The following NCOA1 variants were observed in gnomAD, a reference collection of about 807,000 sequenced individuals.
NCOA1 encodes the protein Hin-2 protein.
NCOA1 carries 35 observed loss-of-function variants against 150.9 expected under a neutral mutation model. The observed-to-expected ratio is 0.23, with a 90% CI of 0.18 to 0.31. The LOEUF is 0.31. Among genes scored for constraint, NCOA1 ranks in the 10% least tolerant of loss-of-function variants. The pLI is 1.00. For missense variants in NCOA1, 1,491 were observed against 1,749.3 expected, an observed-to-expected ratio of 0.85 and a Z score of 2.63; for synonymous variants, 590 against 630.0, an observed-to-expected ratio of 0.94 and a Z score of 0.95.
At chr2:24,553,078 T>G (rs1024302798) in intron 1 of NCOA1, among the ~76,000 whole-genome samples, 5 of 152,248 alleles carry the variant, frequency 3.3e-5, no homozygotes, top group Admixed American at 3.3e-4. Context: ...TTCGTCATCT[T>G]AGGAGACAAC....
chr2:24,716,164 A>T (rs898191151), intron 14 of NCOA1, among the ~76,000 whole-genome samples: 1 of 143,850 alleles, frequency 7.0e-6, no homozygotes, highest in African/African-American at 2.5e-5. Context: ...AAAAAAAAAA[A>T]TCTGAGCAGG....
intron 3 of NCOA1, among the ~76,000 whole-genome samples, chr2:24,618,414 T>C (rs575090715): frequency 5.4e-4 from 82 of 152,282 alleles, no homozygotes; most frequent in African/African-American, 1.9e-3. Context: ...TCAAAAACCA[T>C]CAAGAACAGA....
At chr2:24,671,913 A>G (rs1458302115) in intron 6 of NCOA1, among the ~76,000 whole-genome samples, 2 of 152,100 alleles carry the variant, frequency 1.3e-5, no homozygotes, top group African/African-American at 2.4e-5. Context: ...ACTTACTACA[A>G]TGTAAAGGCT....
Position 24,757,985 on chromosome 2 carries a change from A to G in NCOA1, c.3894A>G (p.Gln1298=). 6.2e-7 allele frequency: 1 copy of G among 1,613,728 alleles called. No individual in the cohort carries two copies. Among genetic ancestry groups the G allele is most frequent in the Non-Finnish European group, 8.5e-7 (1 of 1,179,824 alleles). Residue 1298 remains glutamine (Q), a synonymous_variant, in exon 21 of 23, where the codon CAA becomes CAG. Coordinates refer to ENST00000348332, the MANE Select transcript of NCOA1 (RefSeq NM_003743.5). ...TTTGAGTTTACAGTGTGTTCAGTCA[A>G]GCTGTCCAGAACCAGCCCACGCCTG... The part of the protein sequence containing the change: ...GAIGNNNVFS[Q]AVQNQPTPAQ...
In NCOA1 at chr2:24,658,757, T is replaced by A. The variant is rs751606455; in HGVS notation, c.80T>A (p.Leu27Gln). 3 of 1,614,072 alleles carry A rather than the reference T, an allele frequency of 1.9e-6. No homozygotes were observed. In the South Asian group the frequency reaches 3.3e-5, roughly 18 times the overall value. Reference sequence around the variant, plus strand: ...AGGAAAGGATCGCCATGTGACACACTGGCATCAAGGTAGGAACACTCCTCT... The same window carrying A: ...AGGAAAGGATCGCCATGTGACACACAGGCATCAAGGTAGGAACACTCCTCT... ...HKRKGSPCDTLASSTEKRRRE... is the reference protein window; with the variant it reads ...HKRKGSPCDTQASSTEKRRRE... Residue 27 changes from leucine (L) to glutamine (Q), a missense_variant, in exon 5 of 23, where the codon CTG becomes CAG. By Grantham distance (113) the Leu-to-Gln change is moderately radical. Around this residue, in one of 8 missense-constraint regions of NCOA1, gnomAD observed 40 missense variants for 39.6 expected, o/e 1.01. Transcript: ENST00000348332.
intron 22 of NCOA1, among the ~76,000 whole-genome samples, chr2:24,764,278 A>G (rs1028956748): frequency 1.3e-5 from 2 of 152,250 alleles, no homozygotes; most frequent in Non-Finnish European, 2.9e-5. Flanking sequence ...TGTTCCTGCC[A>G]TACCAGTTAG....
At chr2:24,761,251 T>G (rs1434888257) in intron 21 of NCOA1, among the ~76,000 whole-genome samples, 1 of 152,246 alleles carries the variant, frequency 6.6e-6, no homozygotes. Context: ...CACTTGAAAT[T>G]GTCTCACATT....
At chr2:24,633,639 TG>T (rs1669803976) in intron 3 of NCOA1, among the ~76,000 whole-genome samples, 1 of 152,134 alleles carries the variant, frequency 6.6e-6, no homozygotes, top group South Asian at 2.1e-4. Flanking sequence ...CAAATTGAAA[TG>T]AGATACTATT....
chr2:24,525,279 TGGTGG>T (rs966415464), intron 1 of NCOA1, among the ~76,000 whole-genome samples: 63 of 152,206 alleles, frequency 4.1e-4, no homozygotes, highest in Non-Finnish European at 6.9e-4. Context: ...GGGGGACTAG[TGGTGG>T]AGTTAAAGAT....
At chr2:24,542,326 C>T (rs986937865) in intron 1 of NCOA1, among the ~76,000 whole-genome samples, 11 of 151,994 alleles carry the variant, frequency 7.2e-5, no homozygotes, top group African/African-American at 2.7e-4. Flanking sequence ...GAAAATTCTA[C>T]AAATATTCAA....
At chr2:24,538,425 A>G (rs1352052548) in intron 1 of NCOA1, among the ~76,000 whole-genome samples, 1 of 152,222 alleles carries the variant, frequency 6.6e-6, no homozygotes, top group Non-Finnish European at 1.5e-5. Context: ...ATTGAAATTG[A>G]ATGAACTTTT....
chr2:24,593,500 A>AT (rs1026920957), intron 3 of NCOA1, among the ~76,000 whole-genome samples: 5 of 151,164 alleles, frequency 3.3e-5, no homozygotes, highest in African/African-American at 4.9e-5. Context: ...TTGAATGTTT[A>AT]TTTTTTTTTA....
rs1670925787 is a variant in NCOA1, at chr2:24,655,979, T to C, written c.-17-2682T>C. On this transcript the variant is annotated intron_variant, in intron 4 of 22. Transcript: ENST00000348332. ...GGCAGGTGCCTGTAGTCCCAGCTAC[T>C]CGGGAGGCTGAGGCAGGAGAATGGC... Among the ~76,000 whole-genome samples, 3 of 151,158 alleles carry C rather than the reference T, an allele frequency of 2.0e-5. No homozygotes were observed. The South Asian group carries it at 6.3e-4, about 31-fold the overall frequency.
chr2:24,709,106 G>C (rs962651130), intron 13 of NCOA1, among the ~76,000 whole-genome samples: 1 of 151,904 alleles, frequency 6.6e-6, no homozygotes. Context: ...CGTGTTTCTT[G>C]GTACAATGAA....
rs568591467 is a variant in NCOA1, at chr2:24,767,565, G to A, written c.4156-656G>A. Among the ~76,000 whole-genome samples, 9 of 152,282 alleles carry A rather than the reference G, an allele frequency of 5.9e-5. No individual in the cohort carries two copies. In the East Asian group the frequency reaches 1.4e-3, roughly 23 times the overall value. The stretch of plus-strand genomic sequence containing the variant: ...CACACTGTTCTCAAGGCTAATAGAC[G>A]TACTGTTAATTTTAGCTCATGTGTT... On this transcript the variant is annotated intron_variant, in intron 22 of 22. Transcript: ENST00000348332.
At chr2:24,557,052 G>T (rs1666100462) in intron 1 of NCOA1, among the ~76,000 whole-genome samples, 1 of 149,716 alleles carries the variant, frequency 6.7e-6, no homozygotes. Context: ...AGGATTTTTA[G>T]CAGCATCCTT....
chr2:24,639,916 GTATA>G (rs67632791), intron 3 of NCOA1, among the ~76,000 whole-genome samples: 326 of 29,462 alleles, frequency 0.011, 3 homozygotes, highest in African/African-American at 0.013. Flanking sequence ...ATGTGTGTGT[GTATA>G]TATATATATA....
At chr2:24,629,963 C>A (rs963842031) in intron 3 of NCOA1, among the ~76,000 whole-genome samples, 1 of 151,176 alleles carries the variant, frequency 6.6e-6, no homozygotes, top group Admixed American at 6.6e-5. Context: ...CCTGCCTCAG[C>A]CTCCGGAGTA....
intron 11 of NCOA1, among the ~76,000 whole-genome samples, chr2:24,701,296 A>G (rs1309702335): frequency 2.6e-5 from 4 of 151,948 alleles, no homozygotes; most frequent in African/African-American, 9.7e-5. Flanking sequence ...TTGAGTCCAG[A>G]AGTTCAAGAC....
Sources: gnomAD v4.1 joint callset for allele counts (sites outside exome capture counted in the v4.1 genomes callset) on GRCh38, gnomAD v4.1.1 for gene constraint, gnomAD v4.1.1 regional missense constraint, MANE v1.5 for transcripts, NCBI Gene and HGNC (gene_info 2026-07-23, HGNC 2026-07-21) for gene names.